ANKFY1: variants seen among roughly 807,000 people sequenced by gnomAD.
ANKFY1 encodes ankyrin repeat and FYVE domain-containing protein 1.
A neutral mutation model predicts 128.3 loss-of-function variants in ANKFY1; 47 were observed. That is an observed-to-expected ratio of 0.37 (90% confidence interval 0.29 to 0.47). The LOEUF is 0.47. Among genes scored for constraint, ANKFY1 ranks in the 20% least tolerant of loss-of-function variants. The probability of loss-of-function intolerance (pLI) is 1.00; values close to 1 mark genes in which losing one functional copy is unlikely to be tolerated. For synonymous variants in ANKFY1, 553 were observed against 601.6 expected (o/e 0.92, Z 1.18); for missense variants, 1,222 against 1,510.6 (o/e 0.81, Z 3.17).
chr17:4,254,236 G>A lies in ANKFY1; in HGVS notation c.10+9696C>T, dbSNP rs374684267. 1.8e-4 allele frequency among the ~76,000 whole-genome samples: 26 copies of A among 147,834 alleles called. No individual in the cohort carries two copies. In the East Asian group the frequency reaches 3.0e-3, roughly 17 times the overall value. On this transcript the variant is annotated intron_variant, in intron 1 of 24. Transcript: ENST00000341657. ...GGAGAATCGCCTGAACCTGGGAGGC[G>A]GAGGTTGCAATGAGCCAAGATCGCA...
intron 4 of ANKFY1, among the ~76,000 whole-genome samples, chr17:4,213,347 G>A (rs1041631260): frequency 2.0e-5 from 3 of 151,452 alleles, no homozygotes; most frequent in Non-Finnish European, 4.4e-5. Context: ...CCGCCACCAC[G>A]ACCGGCTAAT....
At chr17:4,206,041 C>G (rs959096827) in intron 7 of ANKFY1, among the ~76,000 whole-genome samples, 1 of 152,210 alleles carries the variant, frequency 6.6e-6, no homozygotes, top group African/African-American at 2.4e-5. Flanking sequence ...GCAAACATAT[C>G]AAGTGCTTAC....
intron 1 of ANKFY1, chr17:4,249,170 G>A: frequency 1.0e-6 from 1 of 979,382 alleles, no homozygotes; most frequent in Non-Finnish European, 1.2e-6. Context: ...GTCAGGAGTT[G>A]GCATACTTTC....
intron 7 of ANKFY1, among the ~76,000 whole-genome samples, chr17:4,198,069 C>T (rs971981001): frequency 2.6e-5 from 4 of 151,170 alleles, no homozygotes; most frequent in South Asian, 4.2e-4. Context: ...GTGGAGGTTG[C>T]GGTGAGCTGA....
intron 1 of ANKFY1, among the ~76,000 whole-genome samples, chr17:4,260,938 G>A (rs1257912032): frequency 1.3e-5 from 2 of 152,308 alleles, no homozygotes; most frequent in African/African-American, 2.4e-5. Flanking sequence ...ATATGACACA[G>A]ATATCTGCTA....
chr17:4,177,964 A>C (rs1295317920), intron 18 of ANKFY1: 1 of 152,490 alleles, frequency 6.6e-6, no homozygotes, highest in South Asian at 2.1e-4. Flanking sequence ...CCCCAGTGCC[A>C]CACACACGGC....
rs769200463 is a variant in ANKFY1 at position 4,197,445 on chromosome 17, G to A, written c.1031C>T (p.Ser344Phe). The change falls in exon 8 of 25, where the codon TCT becomes TTT. Residue 344 changes from serine (S) to phenylalanine (F), a missense_variant. Transcript: ENST00000341657. ...SSKKHSADVM[S>F]EMAQIAEALL... ...GGCCTCTGCAATCTGCGCCATCTCAGACATCACATCTGCTGAGTGTTTCTT... is the reference window on the plus strand; with the variant it reads ...GGCCTCTGCAATCTGCGCCATCTCAAACATCACATCTGCTGAGTGTTTCTT... 2 of 1,614,214 alleles carry A rather than the reference G, an allele frequency of 1.2e-6. No individual in the cohort carries two copies. Among genetic ancestry groups the A allele is most frequent in the South Asian group, 1.1e-5 (1 of 91,084 alleles).
chr17:4,230,312 G>A (rs2060493348), intron 3 of ANKFY1, among the ~76,000 whole-genome samples: 1 of 152,158 alleles, frequency 6.6e-6, no homozygotes, highest in African/African-American at 2.4e-5. Flanking sequence ...ACACATTCCA[G>A]GAGAGCTGAA....
chr17:4,186,553 G>C (rs1292506554), intron 11 of ANKFY1: 1 of 152,234 alleles, frequency 6.6e-6, no homozygotes, highest in Non-Finnish European at 1.5e-5. Flanking sequence ...AACATTATCT[G>C]TGGGACTTTC....
Position 4,179,607 on chromosome 17 carries a change from T to C in ANKFY1, c.2397+114A>G, listed in dbSNP as rs570794560. On this transcript the variant is annotated intron_variant, in intron 17 of 24. Transcript: ENST00000341657. Reference sequence around the variant, plus strand: ...TGAACGCTGCTAGGGAGGTCGTGTGTTCATGAAGCAGCAGCGCCTGGAACT... The same window carrying C: ...TGAACGCTGCTAGGGAGGTCGTGTGCTCATGAAGCAGCAGCGCCTGGAACT... The C allele has an allele frequency of 8.0e-6, 11 of 1,380,402 alleles. No homozygotes were observed. The South Asian group carries it at 1.4e-4, about 17-fold the overall frequency. 85.5% of individuals were successfully genotyped at this position (1,380,402 alleles called of 1,614,324 possible). A position where few individuals can be genotyped will look rare whatever the true frequency, so the allele number is the denominator to read the frequency against.
chr17:4,173,522 CCT>C (rs1392485042), intron 20 of ANKFY1, 78 bp from the exon 21 acceptor site: 11 of 1,367,220 alleles, frequency 8.0e-6, no homozygotes, highest in African/African-American at 7.2e-5. Flanking sequence ...CCCTCACAGA[CCT>C]CTCTGTAAAT....
intron 3 of ANKFY1, among the ~76,000 whole-genome samples, chr17:4,224,634 A>G (rs2060391687): frequency 6.6e-6 from 1 of 151,080 alleles, no homozygotes; most frequent in South Asian, 2.1e-4. Context: ...ACTTATTAGA[A>G]GCAAACTGCC....
intron 1 of ANKFY1, among the ~76,000 whole-genome samples, chr17:4,259,797 T>C (rs1341828760): frequency 6.6e-6 from 1 of 152,222 alleles, no homozygotes; most frequent in Non-Finnish European, 1.5e-5. Flanking sequence ...GCCATGATTC[T>C]AAGCTGGGAG....
intron 21 of ANKFY1, 116 bp from the exon 22 acceptor site, chr17:4,172,796 T>C (rs752775855): frequency 7.3e-7 from 1 of 1,369,814 alleles, no homozygotes; most frequent in Non-Finnish European, 9.8e-7. Flanking sequence ...ACAAAACAAG[T>C]CACAAAAGTT....
In ANKFY1 at chr17:4,193,419, CTTTTTTTTT is replaced by C. The variant is rs34747890; in HGVS notation, c.1372+1550_1372+1558del. Among the ~76,000 whole-genome samples the C allele has an allele frequency of 1.3e-3, 145 of 108,216 alleles. 4 individuals are homozygous for C. Among genetic ancestry groups the C allele is most frequent in the Middle Eastern group, 5.0e-3 (1 of 202 alleles). 71.0% of individuals were successfully genotyped at this position (108,216 alleles called of 152,430 possible). A position where few individuals can be genotyped will look rare whatever the true frequency, so the allele number is the denominator to read the frequency against. On this transcript the variant is annotated intron_variant, in intron 10 of 24. Coordinates refer to ENST00000341657, the MANE Select transcript of ANKFY1 (RefSeq NM_001330063.2). The stretch of plus-strand genomic sequence containing the variant: ...TACAGGCATGAGCCACCAGTCGACT[CTTTTTTTTT>C]TTTTTTTTTTTTTTTTTGAGATGGA...
intron 2 of ANKFY1, among the ~76,000 whole-genome samples, 166 bp downstream of exon 2, chr17:4,242,088 CAA>C (rs34447049): frequency 4.2e-3 from 550 of 132,274 alleles, no homozygotes; most frequent in Admixed American, 4.5e-3. Context: ...GACTCCAACT[CAA>C]AAAAAAAAAA....
intron 7 of ANKFY1, 34 bp from the exon 8 acceptor site, chr17:4,197,611 G>T: frequency 6.3e-7 from 1 of 1,598,076 alleles, no homozygotes. Context: ...ACAGTGTCAG[G>T]GCAAAGTATT....
At chr17:4,214,855 G>A (rs567074356) in intron 4 of ANKFY1, among the ~76,000 whole-genome samples, 2 of 152,080 alleles carry the variant, frequency 1.3e-5, no homozygotes, top group East Asian at 1.9e-4. Flanking sequence ...AATGACAGAA[G>A]GTAAACAATG....
At chr17:4,196,185 ACACACACT>A (rs1338837851) in intron 8 of ANKFY1, among the ~76,000 whole-genome samples, 1 of 133,370 alleles carries the variant, frequency 7.5e-6, no homozygotes, top group Non-Finnish European at 1.6e-5. Flanking sequence ...ACACACACAC[ACACACACT>A]GCGAGTTTAT....
Sources: allele counts gnomAD v4.1 joint callset (sites outside exome capture counted in the v4.1 genomes callset), GRCh38; gene constraint gnomAD v4.1.1; transcripts MANE v1.5; gene names NCBI Gene and HGNC (gene_info 2026-07-23, HGNC 2026-07-21).